Variants in JAKMIP3 observed in about 807,000 individuals in gnomAD.
JAKMIP3 encodes Janus kinase and microtubule interacting protein 3.
Under a neutral mutation model 118.5 loss-of-function variants are expected in JAKMIP3, and 58 were observed. The ratio of observed to expected loss-of-function variants is 0.49; its 90% CI spans 0.40 to 0.61. The LOEUF (loss-of-function observed/expected upper bound fraction) is 0.61. Among genes scored for constraint, JAKMIP3 ranks in the 20% least tolerant of loss-of-function variants. The pLI is 0.00. For synonymous variants in JAKMIP3, 486 were observed against 451.2 expected, an observed-to-expected ratio of 1.08 and a Z score of -0.98; for missense variants, 950 against 1,109.0, an observed-to-expected ratio of 0.86 and a Z score of 2.04.
chr10:132,164,752 T>C lies in JAKMIP3; in HGVS notation c.2490+17T>C, dbSNP rs371745207. 4 of 1,576,484 alleles carry C rather than the reference T, an allele frequency of 2.5e-6. No homozygotes were observed. The African/African-American group carries it at 5.4e-5, about 21-fold the overall frequency. On this transcript the variant is annotated intron_variant, in intron 21 of 23. Coordinates refer to ENST00000684848, the MANE Select transcript of JAKMIP3 (RefSeq NM_001323087.2). ...GAGGAAAAGGTAAAACAAATGCAGT[T>C]TTGGGGGTTGCTTGTTAAGATCAAG...
In JAKMIP3 at chr10:132,044,711, A is replaced by G. The variant is rs1308159772; in HGVS notation, c.-138+7973A>G. ...ACACATACAAGTCACCATCTGAACC[A>G]TTTTTAGGTGTGCGGCTCAGAGTAG... is the stretch of plus-strand genomic sequence containing the variant. On this transcript the variant is annotated intron_variant, in intron 1 of 23. Coordinates refer to the JAKMIP3 transcript ENST00000657785. This position sits in a 1 kb window ranked among gnomAD's most constrained non-coding sequence, Gnocchi z 5.3. Among the ~76,000 whole-genome samples the G allele has an allele frequency of 1.3e-5, 2 of 152,070 alleles. No individual in the cohort carries two copies. Among genetic ancestry groups the G allele is most frequent in the Non-Finnish European group, 2.9e-5 (2 of 68,012 alleles).
In JAKMIP3 at chr10:132,117,604, CG is replaced by C. The variant is rs2047892093; in HGVS notation, c.633+31del. 12 of 722,646 alleles carry C rather than the reference CG, an allele frequency of 1.7e-5. No individual in the cohort carries two copies. The highest frequency in any genetic ancestry group is 2.0e-4 in the East Asian group (2 of 10,186). 44.8% of individuals were successfully genotyped at this position (722,646 alleles called of 1,614,324 possible). A position where few individuals can be genotyped will look rare whatever the true frequency, so the allele number is the denominator to read the frequency against. ...GTGGGCAGGCAGGGGCGGGCGTGGG[CG>C]AGGGTGCAGGGGCGGGCGTGGGCGA... On this transcript the variant is annotated intron_variant, in intron 3 of 23. Coordinates refer to ENST00000684848, the MANE Select transcript of JAKMIP3 (RefSeq NM_001323087.2). The surrounding 1 kb of genome is among the most constrained non-coding windows in gnomAD (Gnocchi z 8.6).
At chr10:132,150,816 C>G (rs142657881) in intron 16 of JAKMIP3, among the ~76,000 whole-genome samples, 12 of 147,048 alleles carry the variant, frequency 8.2e-5, no homozygotes, top group Admixed American at 5.3e-4. Flanking sequence ...CATAATCCAT[C>G]TATCTGTCCT....
intron 19 of JAKMIP3, among the ~76,000 whole-genome samples, chr10:132,154,835 ATGGTGGTGGCGG>A (rs1371619554): frequency 9.3e-6 from 1 of 107,210 alleles, no homozygotes; most frequent in Non-Finnish European, 2.0e-5. Context: ...GGCAATGGTG[ATGGTGGTGGCGG>A]TGGTGGTGGT....
rs7095997 is a variant in JAKMIP3 at position 132,104,728 on chromosome 10, C to T, written c.-81C>T. The T allele has an allele frequency of 2.5e-5, 35 of 1,412,108 alleles. No homozygotes were observed. Among genetic ancestry groups the T allele is most frequent in the African/African-American group, 5.7e-5 (4 of 70,438 alleles). 87.5% of individuals were successfully genotyped at this position (1,412,108 alleles called of 1,614,324 possible). On this transcript the variant is annotated 5_prime_UTR_variant, in exon 2 of 24. Coordinates refer to ENST00000684848, the MANE Select transcript of JAKMIP3 (RefSeq NM_001323087.2). ...CGGGTGACACCTGCTGGGAGCTTGGCGTGGACACCCCAGCCACCCCCAGCC... is the reference window on the plus strand; with the variant it reads ...CGGGTGACACCTGCTGGGAGCTTGGTGTGGACACCCCAGCCACCCCCAGCC...
Position 132,178,934 on chromosome 10 carries a change from C to T in JAKMIP3, c.*1104-3423C>T, listed in dbSNP as rs141501088. Reference sequence around the variant, plus strand: ...AATGCTGTTTCCTGATCCATATGTACGACTACGTCTGCACGTGGTACCCAT... The same window carrying T: ...AATGCTGTTTCCTGATCCATATGTATGACTACGTCTGCACGTGGTACCCAT... On this transcript the variant is annotated intron_variant, in intron 23 of 23. Transcript: ENST00000684848. 3.3e-3 allele frequency among the ~76,000 whole-genome samples: 497 copies of T among 152,282 alleles called. 2 individuals carry two copies. The highest frequency in any genetic ancestry group is 0.027 in the Middle Eastern group (8 of 294).
intron 16 of JAKMIP3, among the ~76,000 whole-genome samples, chr10:132,150,599 C>G (rs550453762): frequency 6.6e-6 from 1 of 151,730 alleles, no homozygotes; most frequent in South Asian, 2.1e-4. Context: ...CATTCATGCT[C>G]TGTCTTATAT....
upstream of JAKMIP3, among the ~76,000 whole-genome samples, chr10:132,062,280 C>T (rs73395741): frequency 0.1 from 15,898 of 152,242 alleles, 924 homozygotes; most frequent in Middle Eastern, 0.18. Context: ...TCATCCTGGT[C>T]GCTGCTTTGG....
At chr10:132,068,946 C>T (rs573654406) in intron 1 of JAKMIP3, among the ~76,000 whole-genome samples, 11 of 152,252 alleles carry the variant, frequency 7.2e-5, no homozygotes, top group African/African-American at 1.2e-4. Flanking sequence ...AAAGTGACTC[C>T]GGCCAGCTCA....
At position 132,152,901 on chromosome 10, in the gene JAKMIP3, C is replaced by T. The variant is rs2056464549; in HGVS notation, c.2008-57C>T. ...AGCTTCCCCATGCATCCATCACTCACCCTCACCCCCAAAGGCACTGCTTCT... is the reference window on the plus strand; with the variant it reads ...AGCTTCCCCATGCATCCATCACTCATCCTCACCCCCAAAGGCACTGCTTCT... On this transcript the variant is annotated intron_variant, in intron 16 of 23. Coordinates refer to ENST00000684848, the MANE Select transcript of JAKMIP3 (RefSeq NM_001323087.2). 11 of 1,397,068 alleles carry T rather than the reference C, an allele frequency of 7.9e-6. No homozygotes were observed. In the South Asian group the frequency reaches 1.4e-4, roughly 17 times the overall value. 86.5% of individuals were successfully genotyped at this position (1,397,068 alleles called of 1,614,324 possible). A position where few individuals can be genotyped will look rare whatever the true frequency, so the allele number is the denominator to read the frequency against.
intron 3 of JAKMIP3, among the ~76,000 whole-genome samples, chr10:132,132,738 G>A (rs1057210712): frequency 3.3e-5 from 5 of 152,204 alleles, no homozygotes; most frequent in Non-Finnish European, 5.9e-5. Flanking sequence ...ATGGAGGGGC[G>A]GTGTCCAAGG....
intron 19 of JAKMIP3, among the ~76,000 whole-genome samples, chr10:132,159,640 T>TG (rs199532698): frequency 0.016 from 475 of 29,938 alleles, 8 homozygotes; most frequent in Middle Eastern, 0.025. Context: ...TTTGTGATGC[T>TG]GGGGGGCCTC....
intron 19 of JAKMIP3, among the ~76,000 whole-genome samples, chr10:132,156,346 C>A (rs2136282737): frequency 6.6e-6 from 1 of 152,276 alleles, no homozygotes; most frequent in African/African-American, 2.4e-5. Context: ...GAGGAAGAAC[C>A]CTCTAGAACA....
At chr10:132,093,495 C>T (rs2043375742) in intron 1 of JAKMIP3, among the ~76,000 whole-genome samples, 1 of 152,202 alleles carries the variant, frequency 6.6e-6, no homozygotes, top group Non-Finnish European at 1.5e-5. Context: ...GACTGCTGTG[C>T]TAGCAATGAG....
chr10:132,050,257 G>T (rs910090137), intron 1 of JAKMIP3, among the ~76,000 whole-genome samples: 1 of 152,202 alleles, frequency 6.6e-6, no homozygotes, highest in Non-Finnish European at 1.5e-5. Context: ...TCCTCGCGCT[G>T]CCCGTTAACA....
intron 1 of JAKMIP3, among the ~76,000 whole-genome samples, chr10:132,069,929 G>A (rs113538881): frequency 0.017 from 2,564 of 152,218 alleles, 65 homozygotes; most frequent in African/African-American, 0.058. Flanking sequence ...GACGGGGCTC[G>A]GTCCCCAGTA....
At chr10:132,180,720 C>CGTGTGTGTGTGCGT in intron 23 of JAKMIP3, among the ~76,000 whole-genome samples, 1 of 17,020 alleles carries the variant, frequency 5.9e-5, no homozygotes, top group African/African-American at 3.0e-4. Context: ...CGTGTGTGTG[C>CGTGTGTGTGTGCGT]GTGTGTGTGC....
chr10:132,180,674 TGCGCGC>T (rs869250608), intron 23 of JAKMIP3, among the ~76,000 whole-genome samples: 394 of 19,280 alleles, frequency 0.02, 51 homozygotes, highest in Admixed American at 0.057. Context: ...TGCGTGTGTG[TGCGCGC>T]GCGTGTGTGT....
At chr10:132,113,924 G>C (rs1408832697) in intron 2 of JAKMIP3, among the ~76,000 whole-genome samples, 1 of 152,212 alleles carries the variant, frequency 6.6e-6, no homozygotes, top group Non-Finnish European at 1.5e-5. Context: ...TTACTGTCCC[G>C]TCCTTCGCCT....
Sources: allele counts gnomAD v4.1 joint callset (sites outside exome capture counted in the v4.1 genomes callset), GRCh38; gene constraint gnomAD v4.1.1; non-coding constraint Gnocchi (gnomAD v3.1); transcripts MANE v1.5; gene names NCBI Gene and HGNC (gene_info 2026-07-23, HGNC 2026-07-21).